TMEM74B: variants seen among roughly 807,000 people sequenced by gnomAD.
TMEM74B encodes the protein transmembrane protein 74B, also known as transmembrane protein C20orf46.
A neutral mutation model predicts 6.5 loss-of-function variants in TMEM74B; 7 were observed. The ratio of observed to expected loss-of-function variants is 1.07; its 90% confidence interval spans 0.61 to 2.01. The LOEUF is 2.01. TMEM74B is among the 30% of genes most tolerant of loss of function. The probability of loss-of-function intolerance (pLI) is 0.00; values close to 1 mark genes in which losing one functional copy is unlikely to be tolerated. For synonymous variants in TMEM74B, 151 were observed against 151.6 expected, an observed-to-expected ratio of 1.00 and a Z score of 0.03; for missense variants, 342 against 337.0, an observed-to-expected ratio of 1.01 and a Z score of -0.12.
rs2086955424 is a variant in TMEM74B at position 1,184,187 on chromosome 20, A to C, written c.-148+115T>G. On this transcript the variant is annotated intron_variant, in intron 1 of 2. Transcript: ENST00000429036. The surrounding 1 kb of genome is among the most constrained non-coding windows in gnomAD (Gnocchi z 6.0). ...ATTGATGCCTCCACACCCTGGAAGA[A>C]ATCTGGAGCTCCCAAATTCTGGGAG... The C allele has an allele frequency of 6.0e-6, 1 of 165,994 alleles. No homozygotes were observed. The highest frequency in any genetic ancestry group is 6.4e-5 in the Admixed American group (1 of 15,618). 10.3% of individuals were successfully genotyped at this position (165,994 alleles called of 1,614,324 possible).
upstream of TMEM74B, chr20:1,186,229 G>A (rs894024310): frequency 1.3e-5 from 2 of 152,246 alleles, no homozygotes; most frequent in African/African-American, 4.8e-5. Flanking sequence ...CTCCTCCATC[G>A]GATTGGCAGC....
chr20:1,189,032 GAAACTGAC>G (rs987100135), upstream of TMEM74B: 2 of 152,166 alleles, frequency 1.3e-5, no homozygotes, highest in African/African-American at 4.8e-5. This position sits in a 1 kb window ranked among gnomAD's most constrained non-coding sequence, Gnocchi z 4.5. Flanking sequence ...TTACAGTGGA[GAAACTGAC>G]AAACGTGATG....
upstream of TMEM74B, among the ~76,000 whole-genome samples, chr20:1,187,890 C>T (rs2087039683): frequency 6.6e-6 from 1 of 152,158 alleles, no homozygotes; most frequent in African/African-American, 2.4e-5. Flanking sequence ...GAGAGCCTCA[C>T]TGATGAATGT....
At chr20:1,185,659 G>C (rs1460498586), upstream of TMEM74B, among the ~76,000 whole-genome samples, 1 of 152,020 alleles carries the variant, frequency 6.6e-6, no homozygotes, top group African/African-American at 2.4e-5. Context: ...CCGGCGCCTG[G>C]GCTTAGGGAA....
At chr20:1,187,393 C>G (rs1353881407), upstream of TMEM74B, among the ~76,000 whole-genome samples, 1 of 152,154 alleles carries the variant, frequency 6.6e-6, no homozygotes, top group Non-Finnish European at 1.5e-5. Context: ...TGGATAAGTG[C>G]TCACTGAATA....
At chr20:1,188,875 G>T (rs181430440), upstream of TMEM74B, among the ~76,000 whole-genome samples, 1 of 151,386 alleles carries the variant, frequency 6.6e-6, no homozygotes, top group East Asian at 1.9e-4. Flanking sequence ...TCCAAATTCT[G>T]TATCTAGATA....
upstream of TMEM74B, among the ~76,000 whole-genome samples, chr20:1,187,050 C>T (rs1038146993): frequency 6.6e-6 from 1 of 152,202 alleles, no homozygotes; most frequent in Non-Finnish European, 1.5e-5. Flanking sequence ...CCTACCTCAG[C>T]CTTTGCGCTG....
upstream of TMEM74B, among the ~76,000 whole-genome samples, chr20:1,188,517 ACACT>A (rs1309216121): frequency 2.7e-5 from 4 of 150,720 alleles, no homozygotes; most frequent in Non-Finnish European, 4.4e-5. Context: ...TGCCACACAC[ACACT>A]CTACACACAC....
At position 1,183,766 on chromosome 20, in the gene TMEM74B, C is replaced by T. The variant is rs372386636; in HGVS notation, c.31+5G>A. Reference sequence around the variant, plus strand: ...ATTCCCTAAGAATTATTATCATGTACAAACCTGCAAACTCATACCCCTGTG... The same window carrying T: ...ATTCCCTAAGAATTATTATCATGTATAAACCTGCAAACTCATACCCCTGTG... On this transcript the variant is annotated splice_donor_5th_base_variant and intron_variant, in intron 2 of 2. Transcript: ENST00000429036. The T allele has an allele frequency of 6.8e-6, 11 of 1,613,994 alleles. No homozygotes were observed. Among genetic ancestry groups the T allele is most frequent in the Non-Finnish European group, 9.3e-6 (11 of 1,179,998 alleles).
Position 1,180,656 on chromosome 20 carries a change from AGTGGG to A in TMEM74B, c.*187_*191del, listed in dbSNP as rs2086836606. 2 of 622,674 alleles carry A rather than the reference AGTGGG, an allele frequency of 3.2e-6. No individual in the cohort carries two copies. Among genetic ancestry groups the A allele is most frequent in the African/African-American group, 1.9e-5 (1 of 53,122 alleles). The allele number at this position is 622,674 out of a possible 1,614,324, so 38.6% of individuals were successfully genotyped here. ...CAAAACCTCAGCTACAAAACAGATC[AGTGGG>A]CTGCTTGCCCGTGTGGGGCATGGGC... On this transcript the variant is annotated 3_prime_UTR_variant, in exon 3 of 3. Transcript: ENST00000429036. This position sits in a 1 kb window ranked among gnomAD's most constrained non-coding sequence, Gnocchi z 6.1.
chr20:1,185,523 C>G (rs1216888384), upstream of TMEM74B: 1 of 151,256 alleles, frequency 6.6e-6, no homozygotes, highest in East Asian at 2.0e-4. Context: ...GAGCTCCGCC[C>G]GCGGCCGGCG....
At chr20:1,183,414 G>C (rs1402314213) in intron 2 of TMEM74B, among the ~76,000 whole-genome samples, 2 of 152,062 alleles carry the variant, frequency 1.3e-5, no homozygotes, top group African/African-American at 4.8e-5. Flanking sequence ...AGGAAGACAT[G>C]TTTTTCAATC....
chr20:1,183,979 G>T (rs889894909), intron 1 of TMEM74B, 31 bp from the exon 2 acceptor site: 2 of 632,894 alleles, frequency 3.2e-6, no homozygotes, highest in Admixed American at 3.3e-5. Context: ...AAAAAGAGAT[G>T]TGTTTGTTGG....
Position 1,180,695 on chromosome 20 carries a change from G to A in TMEM74B, c.*153C>T, listed in dbSNP as rs111317105. The A allele has an allele frequency of 2.4e-5, 26 of 1,072,128 alleles. No individual in the cohort carries two copies. The highest frequency in any genetic ancestry group is 3.2e-4 in the Middle Eastern group (1 of 3,140). 66.4% of individuals were successfully genotyped at this position (1,072,128 alleles called of 1,614,324 possible). A position where few individuals can be genotyped will look rare whatever the true frequency, so the allele number is the denominator to read the frequency against. Reference sequence around the variant, plus strand: ...CCGTGTGGGGCATGGGCTGGGCCCCGAGCTCTCCCTCCAGCACCCAGTACT... The same window carrying A: ...CCGTGTGGGGCATGGGCTGGGCCCCAAGCTCTCCCTCCAGCACCCAGTACT... On this transcript the variant is annotated 3_prime_UTR_variant, in exon 3 of 3. Coordinates refer to ENST00000429036, the MANE Select transcript of TMEM74B (RefSeq NM_001304748.2). This position sits in a 1 kb window ranked among gnomAD's most constrained non-coding sequence, Gnocchi z 6.1.
At chr20:1,185,495 C>A (rs1202963045), upstream of TMEM74B, 5 of 150,392 alleles carry the variant, frequency 3.3e-5, no homozygotes, top group Admixed American at 6.6e-5. Context: ...GGCCGGGGCT[C>A]GCCGAGCGCC....
chr20:1,180,663 TG>T lies in TMEM74B; in HGVS notation c.*184del. On this transcript the variant is annotated 3_prime_UTR_variant, in exon 3 of 3. Coordinates refer to ENST00000429036, the MANE Select transcript of TMEM74B (RefSeq NM_001304748.2). The surrounding 1 kb of genome is among the most constrained non-coding windows in gnomAD (Gnocchi z 6.1). ...TCAGCTACAAAACAGATCAGTGGGC[TG>T]CTTGCCCGTGTGGGGCATGGGCTGG... 2.9e-6 allele frequency: 2 copies of T among 680,118 alleles called. No homozygotes were observed. Among genetic ancestry groups the T allele is most frequent in the East Asian group, 6.3e-5 (2 of 31,556 alleles). The allele number at this position is 680,118 out of a possible 1,614,324, so 42.1% of individuals were successfully genotyped here. A position where few individuals can be genotyped will look rare whatever the true frequency, so the allele number is the denominator to read the frequency against.
upstream of TMEM74B, among the ~76,000 whole-genome samples, chr20:1,187,101 C>T (rs2087032212): frequency 6.6e-6 from 1 of 152,120 alleles, no homozygotes; most frequent in African/African-American, 2.4e-5. Context: ...TCTGATATTT[C>T]CCGCACTCAC....
In TMEM74B at chr20:1,184,281, A is replaced by C. The variant is rs2086957103; in HGVS notation, c.-148+21T>G. 1 of 154,054 alleles carries C rather than the reference A, an allele frequency of 6.5e-6. No homozygotes were observed. Among genetic ancestry groups the C allele is most frequent in the Admixed American group, 6.5e-5 (1 of 15,338 alleles). The allele number at this position is 154,054 out of a possible 1,614,324, so 9.5% of individuals were successfully genotyped here. ...AGGATGCCACAGTGAGAGGGCAGAG[A>C]AAAATGAGGATTCCTCTCACCCAGA... is the stretch of plus-strand genomic sequence containing the variant. On this transcript the variant is annotated intron_variant, in intron 1 of 2. Coordinates refer to ENST00000429036, the MANE Select transcript of TMEM74B (RefSeq NM_001304748.2). This position sits in a 1 kb window ranked among gnomAD's most constrained non-coding sequence, Gnocchi z 6.0.
intron 2 of TMEM74B, among the ~76,000 whole-genome samples, chr20:1,183,201 G>A (rs1252913378): frequency 1.3e-5 from 2 of 152,192 alleles, no homozygotes; most frequent in African/African-American, 4.8e-5. Context: ...ACATGCTCCG[G>A]TGTGTCTACG....
Sources: gnomAD v4.1 joint callset for allele counts (sites outside exome capture counted in the v4.1 genomes callset) on GRCh38, gnomAD v4.1.1 for gene constraint, Gnocchi (gnomAD v3.1) non-coding constraint, MANE v1.5 for transcripts, NCBI Gene and HGNC (gene_info 2026-07-23, HGNC 2026-07-21) for gene names.